The following GALNT13 variants were observed in gnomAD, a reference collection of about 807,000 sequenced individuals.
GALNT13 encodes the protein polypeptide N-acetylgalactosaminyltransferase 13, also known as UDP-GalNAc:polypeptide N-acetylgalactosaminyltransferase 13.
A neutral mutation model predicts 64.2 loss-of-function variants in GALNT13; 28 were observed. The observed-to-expected ratio is 0.44, with a 90% CI of 0.32 to 0.60. The LOEUF is 0.60. Ranked by LOEUF, GALNT13 falls within the 20% of genes least tolerant of loss-of-function variation. GALNT13 has a pLI of 0.05. For missense variants in GALNT13, 577 were observed against 669.8 expected, an observed-to-expected ratio of 0.86 and a Z score of 1.53; for synonymous variants, 214 against 224.6, an observed-to-expected ratio of 0.95 and a Z score of 0.42.
chr2:153,093,542 G>A, the GALNT13 span, among the ~76,000 whole-genome samples: 1 of 152,198 alleles, frequency 6.6e-6, no homozygotes, highest in East Asian at 1.9e-4. Context: ...TGTGGCTGAT[G>A]AAGGATCTTT....
chr2:153,871,592 C>A (rs1685938106), upstream of GALNT13, among the ~76,000 whole-genome samples: 1 of 152,192 alleles, frequency 6.6e-6, no homozygotes, highest in Admixed American at 6.5e-5. Flanking sequence ...GGCCCCAAAG[C>A]GGCCAGGGGT....
chr2:153,704,261 G>C, the GALNT13 span, among the ~76,000 whole-genome samples: 1 of 152,112 alleles, frequency 6.6e-6, no homozygotes, highest in African/African-American at 2.4e-5. Context: ...AAAAATGTAT[G>C]ATTAAATGCT....
chr2:153,909,719 A>G (rs890980261), intron 2 of GALNT13, among the ~76,000 whole-genome samples: 3 of 152,066 alleles, frequency 2.0e-5, no homozygotes, highest in Admixed American at 2.0e-4. Flanking sequence ...TGTTTTTGTA[A>G]TGAATTACAT....
the GALNT13 span, among the ~76,000 whole-genome samples, chr2:153,475,964 G>C: frequency 2.0e-5 from 3 of 152,028 alleles, no homozygotes; most frequent in Non-Finnish European, 4.4e-5. Context: ...TTGTCCTGTC[G>C]GTTAGCAAAA....
At chr2:153,802,856 A>G in the GALNT13 span, among the ~76,000 whole-genome samples, 1 of 152,230 alleles carries the variant, frequency 6.6e-6, no homozygotes, top group Admixed American at 6.5e-5. Context: ...GCTCAGGCTC[A>G]TGCCTTAGCA....
chr2:154,408,045 A>C (rs991507336), intron 10 of GALNT13, among the ~76,000 whole-genome samples: 7 of 152,152 alleles, frequency 4.6e-5, no homozygotes, highest in Non-Finnish European at 7.4e-5. Flanking sequence ...GAACAGTAAA[A>C]TATGCATGTC....
chr2:153,158,036 A>G, the GALNT13 span, among the ~76,000 whole-genome samples: 5 of 152,174 alleles, frequency 3.3e-5, no homozygotes, highest in Admixed American at 2.0e-4. Context: ...TTCTTTTTAC[A>G]TGATTGGTGA....
At chr2:153,946,767 A>G (rs997378524) in intron 3 of GALNT13, among the ~76,000 whole-genome samples, 5 of 152,172 alleles carry the variant, frequency 3.3e-5, no homozygotes, top group African/African-American at 9.6e-5. Context: ...AGACACAAAC[A>G]TTCAGTACAT....
At chr2:154,232,178 C>T (rs1406274767) in intron 4 of GALNT13, among the ~76,000 whole-genome samples, 1 of 152,032 alleles carries the variant, frequency 6.6e-6, no homozygotes, top group Non-Finnish European at 1.5e-5. Context: ...CATGCAATGC[C>T]TGCCTCACTG....
the GALNT13 span, among the ~76,000 whole-genome samples, chr2:153,092,169 T>G: frequency 1.2e-4 from 18 of 152,132 alleles, no homozygotes; most frequent in Non-Finnish European, 2.9e-5. Flanking sequence ...GCAGATTTGT[T>G]TCTGAGTTCT....
chr2:153,683,129 T>C, the GALNT13 span, among the ~76,000 whole-genome samples: 2 of 151,868 alleles, frequency 1.3e-5, no homozygotes, highest in East Asian at 1.9e-4. Flanking sequence ...GGTAGATATA[T>C]GGCACATAAC....
At chr2:153,806,807 G>T in the GALNT13 span, among the ~76,000 whole-genome samples, 1 of 151,998 alleles carries the variant, frequency 6.6e-6, no homozygotes, top group Non-Finnish European at 1.5e-5. Context: ...AAATAGTGAG[G>T]GAAAGGAATA....
chr2:153,672,673 G>A, the GALNT13 span, among the ~76,000 whole-genome samples: 2 of 151,616 alleles, frequency 1.3e-5, no homozygotes, highest in African/African-American at 4.8e-5. Context: ...AAATTCAACA[G>A]CTAGCAGAAG....
the GALNT13 span, among the ~76,000 whole-genome samples, chr2:153,083,743 G>T: frequency 1.3e-5 from 2 of 152,216 alleles, no homozygotes; most frequent in Admixed American, 1.3e-4. Context: ...TTCATTTAAT[G>T]AAGTCCCATC....
the GALNT13 span, among the ~76,000 whole-genome samples, chr2:153,831,556 C>G: frequency 1.0e-3 from 156 of 152,290 alleles, no homozygotes; most frequent in Non-Finnish European, 1.9e-3. Flanking sequence ...TCAGCCTCAT[C>G]ACGCCTCAGC....
At position 154,062,857 on chromosome 2, in the gene GALNT13, T is replaced by TC. The variant is rs1700263457; in HGVS notation, c.143-77480_143-77479insC. On this transcript the variant is annotated intron_variant, in intron 3 of 12. Transcript: ENST00000392825. ...TATTTAATTCAACATGGAATGTTTT[T>TC]TTTTTCATTTTTTGGCTTTATGTTT... is the stretch of plus-strand genomic sequence containing the variant. Among the ~76,000 whole-genome samples the TC allele has an allele frequency of 1.1e-4, 17 of 151,976 alleles. 1 individual carries two copies. The South Asian group carries it at 3.5e-3, about 32-fold the overall frequency.
At chr2:153,396,273 A>C in the GALNT13 span, among the ~76,000 whole-genome samples, 3 of 152,082 alleles carry the variant, frequency 2.0e-5, no homozygotes, top group Non-Finnish European at 2.9e-5. Flanking sequence ...AGAGACAAAA[A>C]TTTTTGCCCA....
the GALNT13 span, among the ~76,000 whole-genome samples, chr2:153,498,706 A>T: frequency 6.6e-6 from 1 of 152,122 alleles, no homozygotes; most frequent in African/African-American, 2.4e-5. Flanking sequence ...GGCTCGGGGA[A>T]CCCCTAGGTC....
the GALNT13 span, among the ~76,000 whole-genome samples, chr2:153,277,221 G>C: frequency 6.6e-6 from 1 of 152,062 alleles, no homozygotes; most frequent in East Asian, 1.9e-4. Context: ...CCCCGCTCTA[G>C]TACTTGCCAG....
Sources: gnomAD v4.1 joint callset for allele counts (sites outside exome capture counted in the v4.1 genomes callset) on GRCh38, gnomAD v4.1.1 for gene constraint, MANE v1.5 for transcripts, NCBI Gene and HGNC (gene_info 2026-07-23, HGNC 2026-07-21) for gene names.